The following TMEM131 variants were observed in gnomAD, a reference collection of about 807,000 sequenced individuals.
TMEM131 encodes the protein 2610524E03Rik.
In TMEM131, 66 loss-of-function variants were observed where a neutral mutation model predicts 211.6. That is an observed-to-expected ratio of 0.31 (90% CI 0.26 to 0.38). The LOEUF is 0.38. TMEM131 is among the 10% of genes least tolerant of loss of function. The pLI is 1.00. For missense variants in TMEM131, 2,036 were observed against 2,299.3 expected, an observed-to-expected ratio of 0.89 and a Z score of 2.34; for synonymous variants, 844 against 841.3, an observed-to-expected ratio of 1.00 and a Z score of -0.06.
Position 97,859,375 on chromosome 2 carries a change from C to T in TMEM131, c.412G>A (p.Glu138Lys), listed in dbSNP as rs770137082. The change falls in exon 5 of 41, where the codon GAA (glutamate) becomes AAA (lysine). Residue 138 changes from glutamate to lysine, a missense_variant. Physicochemically the swap from Glu to Lys is moderately conservative, Grantham distance 56. This residue lies in a region of TMEM131 where 277 missense variants were observed against 378.0 expected (regional missense o/e 0.73). Transcript: ENST00000186436. ...EKVYLHNPSSEETITLVSISA... is the reference protein window; with the variant it reads ...EKVYLHNPSSKETITLVSISA... ...ATTGATACTAAAGTAATCGTTTCTT[C>T]AGAACTAGGATTATGTAAGTAGACT... The T allele has an allele frequency of 8.7e-6, 14 of 1,600,074 alleles. No individual in the cohort carries two copies. The highest frequency in any genetic ancestry group is 1.2e-5 in the Non-Finnish European group (14 of 1,175,880).
chr2:97,855,520 C>T (rs1673805777), intron 5 of TMEM131, among the ~76,000 whole-genome samples: 1 of 152,016 alleles, frequency 6.6e-6, no homozygotes, highest in Non-Finnish European at 1.5e-5. Flanking sequence ...GCCAACATGG[C>T]AAAACTCCAT....
Position 97,792,747 on chromosome 2 carries a change from G to C in TMEM131, c.3783C>G (p.Ser1261Arg), listed in dbSNP as rs1223580750. 5 of 1,613,932 alleles carry C rather than the reference G, an allele frequency of 3.1e-6. No individual in the cohort carries two copies. The highest frequency in any genetic ancestry group is 4.2e-6 in the Non-Finnish European group (5 of 1,179,908). Reference sequence around the variant, plus strand: ...CTGTGTTCGAATCTAAGACAAGGGGGCTTGTTTTGTTAGCAGACTGTGAAG... The same window carrying C: ...CTGTGTTCGAATCTAAGACAAGGGGCCTTGTTTTGTTAGCAGACTGTGAAG... ...AASSQSANKT[S>R]PLVLDSNTVT... The change falls in exon 31 of 41, where the codon AGC (serine) becomes AGG (arginine). Residue 1261 changes from serine to arginine, a missense_variant. Around this residue, in one of 3 missense-constraint regions of TMEM131, gnomAD observed 1,623 missense variants for 1,805.9 expected, o/e 0.90. Transcript: ENST00000186436.
chr2:97,859,423 C>A lies in TMEM131; in HGVS notation c.364G>T (p.Val122Phe). 6.4e-7 allele frequency: 1 copy of A among 1,572,346 alleles called. No individual in the cohort carries two copies. The highest frequency in any genetic ancestry group is 8.6e-7 in the Non-Finnish European group (1 of 1,166,052). The change falls in exon 5 of 41, where the codon GTT (valine) becomes TTT (phenylalanine). Residue 122 changes from valine to phenylalanine, a missense_variant. Transcript: ENST00000186436. ...ACTTTTTCCATTTTTGGCATTCCAA[C>A]TGGTCTGTAAAACAAAAAGAAAATT... ...PPMLDFHEQP[V>F]GMPKMEKVYL... is the part of the protein sequence containing the mutation.
intron 8 of TMEM131, among the ~76,000 whole-genome samples, chr2:97,836,687 A>T (rs1206886950): frequency 6.6e-6 from 1 of 152,206 alleles, no homozygotes; most frequent in Non-Finnish European, 1.5e-5. Flanking sequence ...TCAATTACTT[A>T]CCTTCAAAAA....
intron 2 of TMEM131, among the ~76,000 whole-genome samples, chr2:97,919,611 C>A (rs1282332871): frequency 6.6e-6 from 1 of 152,130 alleles, no homozygotes; most frequent in African/African-American, 2.4e-5. Flanking sequence ...ACCTTTGTTG[C>A]CCAGGCCGGA....
chr2:97,827,727 G>A (rs1335282679), intron 11 of TMEM131, among the ~76,000 whole-genome samples: 1 of 151,722 alleles, frequency 6.6e-6, no homozygotes, highest in Non-Finnish European at 1.5e-5. Flanking sequence ...TTTTTAAGAG[G>A]TGAAATCATT....
chr2:97,771,910 C>T lies in TMEM131; in HGVS notation c.4448+387G>A, dbSNP rs1679485702. On this transcript the variant is annotated intron_variant, in intron 33 of 40. Transcript: ENST00000186436. ...GAACTCTAGATCCCAACTGGGTTAA[C>T]AATTCGACAGACTCAGAGATCTTTT... 2.0e-5 allele frequency among the ~76,000 whole-genome samples: 3 copies of T among 152,204 alleles called. No individual in the cohort carries two copies. The South Asian group carries it at 6.2e-4, about 31-fold the overall frequency.
At chr2:97,820,573 T>A (rs1039078521) in intron 11 of TMEM131, among the ~76,000 whole-genome samples, 1 of 152,010 alleles carries the variant, frequency 6.6e-6, no homozygotes, top group South Asian at 2.1e-4. Flanking sequence ...GTAAAAAAAA[T>A]CCTGGCTGGG....
In TMEM131 at chr2:97,811,139, T is replaced by C. The variant is rs767629361; in HGVS notation, c.1957A>G (p.Thr653Ala). 1.2e-6 allele frequency: 2 copies of C among 1,613,310 alleles called. No individual in the cohort carries two copies. The highest frequency in any genetic ancestry group is 1.3e-5 in the African/African-American group (1 of 75,038). ...CATAAAGTCCTTACCTCATAGTCTGTTGTGATCTGGATGGCTCCATCATGA... is the reference window on the plus strand; with the variant it reads ...CATAAAGTCCTTACCTCATAGTCTGCTGTGATCTGGATGGCTCCATCATGA... ...GIHDGAIQITTDYEILTIPVK... is the reference protein window; with the variant it reads ...GIHDGAIQITADYEILTIPVK... Residue 653 changes from threonine to alanine, a missense_variant, in exon 18 of 41, where the codon ACA becomes GCA. By Grantham distance (58) the Thr-to-Ala change is moderately conservative (BLOSUM62 0). This residue lies in a region of TMEM131 where 1,623 missense variants were observed against 1,805.9 expected (regional missense o/e 0.90). Transcript: ENST00000186436.
intron 1 of TMEM131, among the ~76,000 whole-genome samples, chr2:97,979,868 T>A (rs7602412): frequency 0.75 from 114,155 of 152,184 alleles, 44,520 homozygotes; most frequent in African/African-American, 0.87. Flanking sequence ...CTTTTGGCCT[T>A]TCTCAGCTTT....
At chr2:97,767,640 T>C (rs1233032531) in intron 33 of TMEM131, among the ~76,000 whole-genome samples, 1 of 152,228 alleles carries the variant, frequency 6.6e-6, no homozygotes, top group Non-Finnish European at 1.5e-5. Context: ...AGCTGTCAGT[T>C]CAGGGCTGAG....
chr2:97,874,318 G>C (rs1197914966), intron 4 of TMEM131, among the ~76,000 whole-genome samples: 1 of 152,170 alleles, frequency 6.6e-6, no homozygotes, highest in Non-Finnish European at 1.5e-5. Flanking sequence ...TTATCCAGGA[G>C]AACTTCTCCA....
intron 2 of TMEM131, among the ~76,000 whole-genome samples, chr2:97,923,359 A>G (rs1398851803): frequency 2.6e-5 from 4 of 152,174 alleles, no homozygotes; most frequent in African/African-American, 9.7e-5. Flanking sequence ...ATAGTGGCTC[A>G]GGTCTATAAT....
intron 15 of TMEM131, among the ~76,000 whole-genome samples, chr2:97,812,975 C>G (rs3762593): frequency 0.75 from 113,874 of 151,762 alleles, 44,376 homozygotes; most frequent in African/African-American, 0.87. Context: ...TTGGGAAACA[C>G]AGCGAGACTC....
chr2:97,799,533 G>A (rs1315516036), intron 25 of TMEM131, among the ~76,000 whole-genome samples: 1 of 152,214 alleles, frequency 6.6e-6, no homozygotes, highest in East Asian at 1.9e-4. Context: ...TGAGCCTACT[G>A]AAGTATTTGT....
In TMEM131 at chr2:97,794,946, T is replaced by C. The variant is rs200619760; in HGVS notation, c.3370A>G (p.Ile1124Val). The change falls in exon 29 of 41, where the codon ATC (isoleucine) becomes GTC (valine). Residue 1124 changes from isoleucine to valine, a missense_variant. By Grantham distance (29) the Ile-to-Val change is conservative (BLOSUM62 3). Around this residue, in one of 3 missense-constraint regions of TMEM131, gnomAD observed 1,623 missense variants for 1,805.9 expected, o/e 0.90. Coordinates refer to ENST00000186436, the MANE Select transcript of TMEM131 (RefSeq NM_015348.2). The stretch of plus-strand genomic sequence containing the variant: ...ACACAATACCTCATTATTCCTGAGA[T>C]GATGATATACAGAGCCAGTTCCCAG... ...PNWELALYIIISGIMSALFLL... is the reference protein window; with the variant it reads ...PNWELALYIIVSGIMSALFLL... The C allele has an allele frequency of 9.2e-4, 1,468 of 1,590,768 alleles. 2 individuals carry two copies. The highest frequency in any genetic ancestry group is 1.2e-3 in the Non-Finnish European group (1,364 of 1,168,222).
intron 39 of TMEM131, 182 bp from the exon 40 acceptor site, chr2:97,759,235 T>C (rs747342560): frequency 1.7e-5 from 12 of 685,886 alleles, no homozygotes; most frequent in Admixed American, 8.4e-5. Flanking sequence ...CTCAAACGCA[T>C]AGTGCACGAG....
chr2:97,786,072 G>A (rs569302396), intron 31 of TMEM131, among the ~76,000 whole-genome samples: 1 of 152,184 alleles, frequency 6.6e-6, no homozygotes, highest in African/African-American at 2.4e-5. Flanking sequence ...GAGGATTCCT[G>A]TGGGCTTGGA....
chr2:97,796,098 T>TG (rs1573373829), intron 28 of TMEM131, 120 bp downstream of exon 28: 1 of 582,976 alleles, frequency 1.7e-6, no homozygotes, highest in East Asian at 3.4e-5. Flanking sequence ...AAAGATTAAG[T>TG]GAAAAAAAAA....
Sources: allele counts gnomAD v4.1 joint callset (sites outside exome capture counted in the v4.1 genomes callset), GRCh38; gene constraint gnomAD v4.1.1; regional missense constraint gnomAD v4.1.1; transcripts MANE v1.5; gene names NCBI Gene and HGNC (gene_info 2026-07-23, HGNC 2026-07-21).